CHDH: variants seen among roughly 807,000 people sequenced by gnomAD.
The protein encoded by CHDH is choline dehydrogenase, mitochondrial.
Under a neutral mutation model 56.9 loss-of-function variants are expected in CHDH, and 43 were observed. The observed-to-expected ratio is 0.76, with a 90% CI of 0.59 to 0.97. CHDH has a LOEUF of 0.97. Ranked by LOEUF, CHDH falls within the 50% of genes least tolerant of loss-of-function variation. The pLI is 0.00. For missense variants in CHDH, 816 were observed against 821.1 expected, an observed-to-expected ratio of 0.99 and a Z score of 0.08; for synonymous variants, 364 against 348.5, an observed-to-expected ratio of 1.04 and a Z score of -0.50.
intron 2 of CHDH, among the ~76,000 whole-genome samples, chr3:53,826,459 C>T (rs1326924504): frequency 6.6e-6 from 1 of 152,096 alleles, no homozygotes; most frequent in African/African-American, 2.4e-5. Flanking sequence ...GTATGCAAGA[C>T]TGGTTCAACA....
rs542133535 is a variant in CHDH, at chr3:53,817,927, G to C, written c.1635C>G (p.Ala545=). The C allele has an allele frequency of 1.2e-6, 2 of 1,614,094 alleles. No individual in the cohort carries two copies. The highest frequency in any genetic ancestry group is 1.1e-5 in the South Asian group (1 of 91,094). ...CGCTGACCATGCTAGGCATGATGGA[G>C]GCATCGACGACCCTGAGGTTTTCCA... ...LGVENLRVVD[A]SIMPSMVSGN... is the part of the protein sequence containing the mutation. Residue 545 remains alanine, a synonymous_variant, in exon 9 of 9, where the codon GCC becomes GCG. Coordinates refer to ENST00000315251, the MANE Select transcript of CHDH (RefSeq NM_018397.5).
chr3:53,820,900 C>T (rs2095624992), intron 5 of CHDH, among the ~76,000 whole-genome samples: 1 of 152,222 alleles, frequency 6.6e-6, no homozygotes, highest in Non-Finnish European at 1.5e-5. Flanking sequence ...TCTGTGAGGG[C>T]AGGGCCTACG....
chr3:53,836,300 GC>G (rs1289117378), intron 2 of CHDH, among the ~76,000 whole-genome samples: 1 of 152,096 alleles, frequency 6.6e-6, no homozygotes, highest in Non-Finnish European at 1.5e-5. Flanking sequence ...CTTCCTCATG[GC>G]CCCCCAGGCC....
chr3:53,818,995 G>A lies in CHDH; in HGVS notation c.1309C>T (p.Leu437=), dbSNP rs780398678. 10 of 1,614,058 alleles carry A rather than the reference G, an allele frequency of 6.2e-6. No homozygotes were observed. Among genetic ancestry groups the A allele is most frequent in the Non-Finnish European group, 8.5e-6 (10 of 1,179,936 alleles). ...MRGTSVGWLK[L]RSANPQDHPV... is the part of the protein sequence containing the mutation. ...TGGTCTTGGGGATTGGCACTTCTCA[G>A]TTTGAGCCAGCCCACACTCGTGCCC... is the stretch of plus-strand genomic sequence containing the variant. The change falls in exon 8 of 9, where the codon CTG becomes TTG. Residue 437 remains leucine (L), a synonymous_variant. Coordinates refer to ENST00000315251, the MANE Select transcript of CHDH (RefSeq NM_018397.5).
chr3:53,835,864 G>T (rs1698476870), intron 2 of CHDH, among the ~76,000 whole-genome samples: 1 of 152,156 alleles, frequency 6.6e-6, no homozygotes, highest in African/African-American at 2.4e-5. Flanking sequence ...CACAGAGAGG[G>T]AAACGAGCCT....
At chr3:53,841,730 G>A (rs1176640426) in intron 1 of CHDH, among the ~76,000 whole-genome samples, 1 of 152,224 alleles carries the variant, frequency 6.6e-6, no homozygotes, top group Non-Finnish European at 1.5e-5. Context: ...ATCAGGAGCT[G>A]GGACTAGTGT....
At chr3:53,824,402 CAG>C (rs767248442) in intron 2 of CHDH, among the ~76,000 whole-genome samples, 7 of 152,244 alleles carry the variant, frequency 4.6e-5, no homozygotes, top group Non-Finnish European at 8.8e-5. Context: ...AGAAAGAAAA[CAG>C]AGTATTTGTA....
chr3:53,840,477 T>C (rs1385000613), intron 2 of CHDH, among the ~76,000 whole-genome samples: 6 of 151,942 alleles, frequency 3.9e-5, no homozygotes, highest in Admixed American at 2.6e-4. Flanking sequence ...ACGTGAGCTA[T>C]GATCTTGCCA....
At position 53,832,354 on chromosome 3, in the gene CHDH, ACCC is replaced by A. The variant is rs377303645; in HGVS notation, c.-59-8290_-59-8288del. 5.3e-5 allele frequency among the ~76,000 whole-genome samples: 8 copies of A among 152,214 alleles called. No homozygotes were observed. In the East Asian group the frequency reaches 1.5e-3, roughly 29 times the overall value. On this transcript the variant is annotated intron_variant, in intron 2 of 8. Transcript: ENST00000315251. ...AGACCATCCTGGATAACATGGTGAA[ACCC>A]CATCTCTACTAAAAATACAAAAAAA...
Position 53,823,437 on chromosome 3 carries a change from C to A in CHDH, c.572G>T (p.Arg191Leu). ...RGADGPLRVSRGKTNHPLHCA... is the reference protein window; with the variant it reads ...RGADGPLRVSLGKTNHPLHCA... ...GTGCAGCGGGTGGTTGGTCTTGCCC[C>A]GGGACACCCGCAGCGGGCCATCGGC... is the stretch of plus-strand genomic sequence containing the variant. Residue 191 changes from arginine to leucine, a missense_variant, in exon 3 of 9, where the codon CGG becomes CTG. Transcript: ENST00000315251. 6.3e-7 allele frequency: 1 copy of A among 1,575,946 alleles called. No individual in the cohort carries two copies. The highest frequency in any genetic ancestry group is 2.4e-5 in the East Asian group (1 of 42,312).
intron 5 of CHDH, among the ~76,000 whole-genome samples, chr3:53,821,334 A>G (rs1269958777): frequency 6.6e-6 from 1 of 152,230 alleles, no homozygotes; most frequent in Non-Finnish European, 1.5e-5. Flanking sequence ...CTCTCGCCAT[A>G]GAGCTGCCCT....
intron 2 of CHDH, among the ~76,000 whole-genome samples, chr3:53,838,819 G>A (rs1374368401): frequency 6.6e-6 from 1 of 152,188 alleles, no homozygotes; most frequent in Non-Finnish European, 1.5e-5. Context: ...ACTATCCGGG[G>A]AGGAAAAGCA....
chr3:53,833,255 G>A lies in CHDH; in HGVS notation c.-60+7674C>T, dbSNP rs555446279. ...CAGACGCCTTCTTCCTGAGGTGGCGGCAGGTCATTTACTCTTCCGGGTCCC... is the reference window on the plus strand; with the variant it reads ...CAGACGCCTTCTTCCTGAGGTGGCGACAGGTCATTTACTCTTCCGGGTCCC... On this transcript the variant is annotated intron_variant, in intron 2 of 8. Transcript: ENST00000315251. Among the ~76,000 whole-genome samples, 6 of 152,332 alleles carry A rather than the reference G, an allele frequency of 3.9e-5. No homozygotes were observed. The South Asian group carries it at 8.3e-4, about 21-fold the overall frequency.
intron 2 of CHDH, among the ~76,000 whole-genome samples, chr3:53,824,486 T>C (rs1176533018): frequency 6.6e-6 from 1 of 152,224 alleles, no homozygotes; most frequent in Non-Finnish European, 1.5e-5. Context: ...ACCCAGTTCC[T>C]GCAGCAATAC....
At position 53,819,524 on chromosome 3, in the gene CHDH, C is replaced by CT; in HGVS notation, c.1263+7dup. The stretch of plus-strand genomic sequence containing the variant: ...TCCTGGGAAGCCGAGGCTCTTCCAC[C>CT]TGCTCACCTGGTAAGCCTCCTGCTG... On this transcript the variant is annotated splice_region_variant and intron_variant, in intron 7 of 8. Transcript: ENST00000315251. The surrounding 1 kb of genome is among the most constrained non-coding windows in gnomAD (Gnocchi z 5.4). 6.2e-7 allele frequency: 1 copy of CT among 1,601,120 alleles called. No homozygotes were observed.
In CHDH at chr3:53,819,490, A is replaced by G. The variant is rs754223371; in HGVS notation, c.1263+42T>C. 4.5e-6 allele frequency: 7 copies of G among 1,568,260 alleles called. No individual in the cohort carries two copies. Among genetic ancestry groups the G allele is most frequent in the Middle Eastern group, 3.4e-4 (2 of 5,826 alleles). On this transcript the variant is annotated intron_variant, in intron 7 of 8. Coordinates refer to ENST00000315251, the MANE Select transcript of CHDH (RefSeq NM_018397.5). The surrounding 1 kb of genome is among the most constrained non-coding windows in gnomAD (Gnocchi z 5.4). The stretch of plus-strand genomic sequence containing the variant: ...TGGGAGCATCTTCCTTCCTGGTGGG[A>G]AGGAGACATCCTGGGAAGCCGAGGC...
At position 53,823,525 on chromosome 3, in the gene CHDH, G is replaced by A. The variant is rs989747472; in HGVS notation, c.484C>T (p.His162Tyr). The A allele has an allele frequency of 9.7e-6, 15 of 1,542,358 alleles. No homozygotes were observed. Among genetic ancestry groups the A allele is most frequent in the Non-Finnish European group, 1.3e-5 (15 of 1,145,892 alleles). Residue 162 changes from histidine to tyrosine, a missense_variant, in exon 3 of 9, where the codon CAC becomes TAC. Transcript: ENST00000315251. Reference protein sequence around the residue: ...RQGARGWDYAHCLPYFRKAQG... With the variant: ...RQGARGWDYAYCLPYFRKAQG... ...GCCTTGCGGAAGTAGGGCAGGCAGT[G>A]CGCGTAGTCCCAGCCGCGGGCGCCC...
At chr3:53,844,349 C>G (rs1449906252) in intron 1 of CHDH, among the ~76,000 whole-genome samples, 2 of 152,150 alleles carry the variant, frequency 1.3e-5, no homozygotes, top group Admixed American at 1.3e-4. Flanking sequence ...AACCCCCTCC[C>G]CTATCCTTTT....
intron 2 of CHDH, among the ~76,000 whole-genome samples, chr3:53,827,684 C>T (rs1007006489): frequency 6.6e-6 from 1 of 152,042 alleles, no homozygotes; most frequent in African/African-American, 2.4e-5. Flanking sequence ...ATAAATCTAA[C>T]AAAATATGTG....
Sources: gnomAD v4.1 joint callset for allele counts (sites outside exome capture counted in the v4.1 genomes callset) on GRCh38, gnomAD v4.1.1 for gene constraint, Gnocchi (gnomAD v3.1) non-coding constraint, MANE v1.5 for transcripts, NCBI Gene and HGNC (gene_info 2026-07-23, HGNC 2026-07-21) for gene names.